The following CALN1 variants were observed in gnomAD, a reference collection of about 807,000 sequenced individuals.
The protein encoded by CALN1 is calneuron 1, also known as calcium-binding protein 8.
CALN1 carries 17 observed loss-of-function variants against 30.6 expected under a neutral mutation model. The observed-to-expected ratio is 0.56, with a 90% CI of 0.38 to 0.83. The LOEUF is 0.83. CALN1 is among the 40% of genes least tolerant of loss of function. The pLI, the probability that CALN1 is intolerant of heterozygous loss-of-function variation, is 0.00. For synonymous variants in CALN1, 156 were observed against 131.4 expected (o/e 1.19, Z -1.28); for missense variants, 291 against 354.9 (o/e 0.82, Z 1.45).
chr7:72,193,468 C>T lies in CALN1; in HGVS notation c.244+85218G>A, dbSNP rs1231154071. ...AGATGCCATTGTAGGAAGACACAGA[C>T]ATGCATCACTTAACATTGGGGACAC... On this transcript the variant is annotated intron_variant, in intron 3 of 6. Coordinates refer to ENST00000395275, the MANE Select transcript of CALN1 (RefSeq NM_031468.4). 3.3e-5 allele frequency among the ~76,000 whole-genome samples: 5 copies of T among 152,306 alleles called. No individual in the cohort carries two copies. In the East Asian group the frequency reaches 7.7e-4, roughly 24 times the overall value.
At chr7:72,432,585 C>T (rs577257296) in intron 1 of CALN1, among the ~76,000 whole-genome samples, 1 of 152,310 alleles carries the variant, frequency 6.6e-6, no homozygotes, top group Admixed American at 6.5e-5. Context: ...TCATTCCTGG[C>T]TCCATCCTTG....
At chr7:71,842,273 G>A (rs1789982888) in intron 5 of CALN1, among the ~76,000 whole-genome samples, 1 of 152,242 alleles carries the variant, frequency 6.6e-6, no homozygotes, top group African/African-American at 2.4e-5. Flanking sequence ...ACTGAAGCAA[G>A]CAATACTATC....
At chr7:72,110,925 A>G (rs1053526467) in intron 3 of CALN1, among the ~76,000 whole-genome samples, 1 of 151,858 alleles carries the variant, frequency 6.6e-6, no homozygotes, top group South Asian at 2.1e-4. Context: ...CTCTAGGAGG[A>G]CGGCTCCCAG....
intron 5 of CALN1, among the ~76,000 whole-genome samples, chr7:71,884,165 G>A (rs767671455): frequency 5.3e-5 from 8 of 151,986 alleles, no homozygotes; most frequent in East Asian, 1.9e-4. Context: ...TGTCCCCCTC[G>A]GCCTCCCAAA....
intron 4 of CALN1, among the ~76,000 whole-genome samples, chr7:72,064,915 GCT>G: frequency 6.6e-6 from 1 of 151,772 alleles, no homozygotes; most frequent in East Asian, 1.9e-4. Context: ...AAAAATCTGA[GCT>G]CTGTTATTAT....
chr7:72,394,490 G>A (rs547581165), intron 2 of CALN1, among the ~76,000 whole-genome samples: 2 of 152,258 alleles, frequency 1.3e-5, no homozygotes, highest in South Asian at 4.1e-4. Flanking sequence ...CATCATTACG[G>A]GACTGGTCCA....
chr7:72,408,532 T>G (rs751205293), intron 1 of CALN1, among the ~76,000 whole-genome samples: 2 of 152,048 alleles, frequency 1.3e-5, no homozygotes, highest in Non-Finnish European at 2.9e-5. Context: ...TTGGTGATGT[T>G]GGTGACAAAA....
chr7:72,487,734 A>AAAGAAAGAAAGAAAGAAAGGAAGGAAGG, the CALN1 span, among the ~76,000 whole-genome samples: 5 of 56,620 alleles, frequency 8.8e-5, no homozygotes, highest in African/African-American at 3.3e-4. Context: ...AGAAAGAAAG[A>AAAGAAAGAAAGAAAGAAAGGAAGGAAGG]AAGGAAGGAA....
chr7:72,272,801 C>G lies in CALN1; in HGVS notation c.244+5885G>C, dbSNP rs868748640. Among the ~76,000 whole-genome samples the G allele has an allele frequency of 9.9e-5, 15 of 152,202 alleles. 1 individual carries two copies. The highest frequency in any genetic ancestry group is 3.4e-3 in the Middle Eastern group (1 of 294). ...TTTCCATGGGAATCTATTCCTCAACCCAAACCCACTTCAGCAGCACCCTTT... is the reference window on the plus strand; with the variant it reads ...TTTCCATGGGAATCTATTCCTCAACGCAAACCCACTTCAGCAGCACCCTTT... On this transcript the variant is annotated intron_variant, in intron 3 of 6. Coordinates refer to ENST00000395275, the MANE Select transcript of CALN1 (RefSeq NM_031468.4).
At chr7:72,372,287 A>C (rs2129560371) in intron 2 of CALN1, among the ~76,000 whole-genome samples, 1 of 152,278 alleles carries the variant, frequency 6.6e-6, no homozygotes, top group Admixed American at 6.5e-5. Flanking sequence ...ACTCTCCAGT[A>C]AGATAATATG....
chr7:72,308,081 G>A (rs560941775), intron 2 of CALN1, among the ~76,000 whole-genome samples: 75 of 152,214 alleles, frequency 4.9e-4, no homozygotes, highest in African/African-American at 1.7e-3. Context: ...CCACAAACTA[G>A]GGCTGGGTGC....
chr7:72,128,539 C>T (rs903492346), intron 3 of CALN1, among the ~76,000 whole-genome samples: 1 of 152,058 alleles, frequency 6.6e-6, no homozygotes, highest in Non-Finnish European at 1.5e-5. Flanking sequence ...GAAACACGAA[C>T]CAAAAGCCAT....
At chr7:72,318,682 A>C (rs1442369301) in intron 2 of CALN1, among the ~76,000 whole-genome samples, 1 of 141,896 alleles carries the variant, frequency 7.0e-6, no homozygotes, top group African/African-American at 2.6e-5. Context: ...CTAGAACCAC[A>C]GGCATGCACC....
the CALN1 span, among the ~76,000 whole-genome samples, chr7:72,486,284 G>A: frequency 8.5e-5 from 13 of 152,142 alleles, no homozygotes; most frequent in East Asian, 3.9e-4. Flanking sequence ...ATTATGCAAC[G>A]TGTGACTTAA....
chr7:71,800,457 T>G (rs1229837830), intron 6 of CALN1, among the ~76,000 whole-genome samples: 1 of 152,148 alleles, frequency 6.6e-6, no homozygotes, highest in East Asian at 1.9e-4. Context: ...CAGAAACTAT[T>G]TATTCCCCAG....
At chr7:72,023,623 C>G (rs1315982262) in intron 5 of CALN1, 34 bp downstream of exon 5, 1 of 1,537,364 alleles carries the variant, frequency 6.5e-7, no homozygotes, top group Non-Finnish European at 9.0e-7. Flanking sequence ...CATTTACTGT[C>G]AAACTTAGTC....
At chr7:71,846,954 T>C (rs1790299077) in intron 5 of CALN1, among the ~76,000 whole-genome samples, 1 of 145,496 alleles carries the variant, frequency 6.9e-6, no homozygotes, top group Non-Finnish European at 1.5e-5. Flanking sequence ...TATATACATA[T>C]ATAATATATA....
the CALN1 span, among the ~76,000 whole-genome samples, chr7:72,500,421 T>C: frequency 1.3e-5 from 2 of 150,306 alleles, no homozygotes; most frequent in Non-Finnish European, 3.0e-5. Context: ...GCTGGGACTG[T>C]AGGCATGCAC....
At position 72,334,384 on chromosome 7, in the gene CALN1, G is replaced by T. The variant is rs112062554; in HGVS notation, c.120-55574C>A. Among the ~76,000 whole-genome samples the T allele has an allele frequency of 5.9e-5, 9 of 152,276 alleles. 1 individual carries two copies. Among genetic ancestry groups the T allele is most frequent in the African/African-American group, 2.2e-4 (9 of 41,560 alleles). ...CCACCCTGGCTGGTGACCCTCAAGA[G>T]ACCAGTTTCTATGAAAAAGAAATTT... is the stretch of plus-strand genomic sequence containing the variant. On this transcript the variant is annotated intron_variant, in intron 2 of 6. Coordinates refer to ENST00000395275, the MANE Select transcript of CALN1 (RefSeq NM_031468.4).
Sources: allele counts gnomAD v4.1 joint callset (sites outside exome capture counted in the v4.1 genomes callset), GRCh38; gene constraint gnomAD v4.1.1; transcripts MANE v1.5; gene names NCBI Gene and HGNC (gene_info 2026-07-23, HGNC 2026-07-21).